The following ARHGAP15 variants were observed in gnomAD, a reference collection of about 807,000 sequenced individuals.
ARHGAP15 encodes the protein Rho GTPase activating protein 15.
ARHGAP15 carries 51 observed loss-of-function variants against 63.7 expected under a neutral mutation model. The observed-to-expected ratio is 0.80, with a 90% CI of 0.64 to 1.01. The LOEUF is 1.01. Ranked by LOEUF, ARHGAP15 falls within the 50% of genes least tolerant of loss-of-function variation. The pLI is 0.00. For missense variants in ARHGAP15, 560 were observed against 564.6 expected (o/e 0.99, Z 0.08); for synonymous variants, 191 against 193.8 (o/e 0.99, Z 0.12).
intron 6 of ARHGAP15, among the ~76,000 whole-genome samples, chr2:143,311,826 T>C (rs1683461263): frequency 6.6e-6 from 1 of 152,118 alleles, no homozygotes; most frequent in South Asian, 2.1e-4. Context: ...GGCAAACCGG[T>C]TCAACAGTTC....
chr2:143,337,274 C>T (rs1684843993), intron 6 of ARHGAP15, among the ~76,000 whole-genome samples: 1 of 151,900 alleles, frequency 6.6e-6, no homozygotes, highest in South Asian at 2.1e-4. Context: ...AGATAGGAGG[C>T]TAGGGAGGTG....
chr2:143,422,821 G>A (rs1688983293), intron 6 of ARHGAP15, among the ~76,000 whole-genome samples: 1 of 152,072 alleles, frequency 6.6e-6, no homozygotes, highest in Non-Finnish European at 1.5e-5. Context: ...TACCAGCCGA[G>A]AGAGTCTGGT....
At chr2:143,520,122 A>G (rs535499553) in intron 10 of ARHGAP15, among the ~76,000 whole-genome samples, 1 of 152,310 alleles carries the variant, frequency 6.6e-6, no homozygotes, top group African/African-American at 2.4e-5. Context: ...CAAGTTTACA[A>G]CATATTCCCA....
intron 6 of ARHGAP15, among the ~76,000 whole-genome samples, chr2:143,426,028 C>T (rs1273541826): frequency 6.6e-6 from 1 of 152,160 alleles, no homozygotes; most frequent in Non-Finnish European, 1.5e-5. Context: ...GTGAGCCACA[C>T]ACTCTGCAAG....
chr2:143,336,836 C>T (rs1179820341), intron 6 of ARHGAP15, among the ~76,000 whole-genome samples: 8 of 152,018 alleles, frequency 5.3e-5, no homozygotes, highest in Non-Finnish European at 7.4e-5. Flanking sequence ...TGTCACATTT[C>T]AGTTTTATTT....
intron 11 of ARHGAP15, among the ~76,000 whole-genome samples, chr2:143,556,881 AAT>A (rs1288102043): frequency 6.6e-6 from 1 of 152,044 alleles, no homozygotes; most frequent in Admixed American, 6.6e-5. Context: ...ATAATAGAAA[AAT>A]ATATAGTAGG....
Position 143,337,080 on chromosome 2 carries a change from A to T in ARHGAP15, c.474+86480A>T, listed in dbSNP as rs116171242. Among the ~76,000 whole-genome samples the T allele has an allele frequency of 9.4e-3, 1,424 of 152,040 alleles. 27 individuals carry two copies. The highest frequency in any genetic ancestry group is 0.033 in the African/African-American group (1,360 of 41,472). ...TAATCTGGTCAAGGAGGACAGAGGG[A>T]GGGAGTTTTCGGTGAGGTGGAAAGG... On this transcript the variant is annotated intron_variant, in intron 6 of 13. Transcript: ENST00000295095.
intron 1 of ARHGAP15, 114 bp downstream of exon 1, chr2:143,129,580 T>C (rs1458275577): frequency 6.6e-6 from 1 of 152,216 alleles, no homozygotes; most frequent in Admixed American, 6.5e-5. Context: ...CGCTTTTACC[T>C]GTGATTAAAA....
intron 6 of ARHGAP15, among the ~76,000 whole-genome samples, chr2:143,416,946 A>G (rs1230400508): frequency 6.6e-6 from 1 of 151,852 alleles, no homozygotes; most frequent in African/African-American, 2.4e-5. Flanking sequence ...GATGGGGGTC[A>G]GGACTACCAA....
intron 12 of ARHGAP15, among the ~76,000 whole-genome samples, chr2:143,648,380 G>A (rs888200492): frequency 1.3e-5 from 2 of 152,020 alleles, no homozygotes; most frequent in Non-Finnish European, 2.9e-5. Flanking sequence ...AGTGCTAGTA[G>A]CCTACAGGGT....
chr2:143,310,964 A>G (rs1277218911), intron 6 of ARHGAP15, among the ~76,000 whole-genome samples: 1 of 152,066 alleles, frequency 6.6e-6, no homozygotes, highest in Non-Finnish European at 1.5e-5. Context: ...GATCATGTTT[A>G]GGAAAACCTA....
chr2:143,291,838 T>C (rs1682414387), intron 6 of ARHGAP15, among the ~76,000 whole-genome samples: 1 of 152,138 alleles, frequency 6.6e-6, no homozygotes, highest in African/African-American at 2.4e-5. Context: ...AGACTAGCGC[T>C]GAAAAGAAAA....
intron 8 of ARHGAP15, among the ~76,000 whole-genome samples, chr2:143,473,121 T>C (rs1247758647): frequency 6.6e-6 from 1 of 152,204 alleles, no homozygotes; most frequent in African/African-American, 2.4e-5. Flanking sequence ...TTTTATTTCT[T>C]GTGGCCATGA....
At chr2:143,386,880 T>C (rs1273753070) in intron 6 of ARHGAP15, among the ~76,000 whole-genome samples, 1 of 152,094 alleles carries the variant, frequency 6.6e-6, no homozygotes, top group Non-Finnish European at 1.5e-5. Context: ...TGGGGGCCAT[T>C]ATCCTTAGCA....
At chr2:143,746,218 A>G (rs1247488657) in intron 13 of ARHGAP15, among the ~76,000 whole-genome samples, 1 of 152,220 alleles carries the variant, frequency 6.6e-6, no homozygotes, top group African/African-American at 2.4e-5. Flanking sequence ...AACCTAAAGT[A>G]ATTTCACACT....
At chr2:143,682,563 C>A (rs1264848160) in intron 12 of ARHGAP15, 1 of 152,162 alleles carries the variant, frequency 6.6e-6, no homozygotes, top group Non-Finnish European at 1.5e-5. Context: ...CACGCACACA[C>A]ACATTCCAGC....
At chr2:143,524,351 T>C (rs964662735) in intron 10 of ARHGAP15, among the ~76,000 whole-genome samples, 3 of 152,214 alleles carry the variant, frequency 2.0e-5, no homozygotes, top group Admixed American at 2.0e-4. Flanking sequence ...CTACATAGTT[T>C]GCCAAGCAAA....
At chr2:143,536,442 G>A (rs56193965) in intron 10 of ARHGAP15, among the ~76,000 whole-genome samples, 73,249 of 151,120 alleles carry the variant, frequency 0.48, 18,212 homozygotes, top group African/African-American at 0.58. Flanking sequence ...TTACATATGT[G>A]TACATGTGCC....
At chr2:143,505,065 T>C (rs1693247491) in intron 9 of ARHGAP15, among the ~76,000 whole-genome samples, 1 of 152,206 alleles carries the variant, frequency 6.6e-6, no homozygotes. Context: ...TGAGGCTCTT[T>C]CCTCAACAGA....
Sources: allele counts gnomAD v4.1 joint callset (sites outside exome capture counted in the v4.1 genomes callset), GRCh38; gene constraint gnomAD v4.1.1; transcripts MANE v1.5; gene names NCBI Gene and HGNC (gene_info 2026-07-23, HGNC 2026-07-21).